TRIO: variants seen among roughly 807,000 people sequenced by gnomAD.
The protein encoded by TRIO is triple functional domain protein.
Under a neutral mutation model 351.9 loss-of-function variants are expected in TRIO, and 58 were observed. The observed-to-expected ratio is 0.16, with a 90% CI of 0.13 to 0.21. The LOEUF (loss-of-function observed/expected upper bound fraction) is 0.21. TRIO is among the 10% of genes least tolerant of loss of function. The pLI, the probability that TRIO is intolerant of heterozygous loss-of-function variation, is 1.00. For missense variants in TRIO, 3,201 were observed against 4,027.8 expected (o/e 0.79, Z 5.56); for synonymous variants, 1,758 against 1,595.7 (o/e 1.10, Z -2.42).
intron 45 of TRIO, among the ~76,000 whole-genome samples, chr5:14,482,196 A>G (rs777021666): frequency 1.3e-5 from 2 of 152,156 alleles, no homozygotes; most frequent in South Asian, 2.1e-4. Flanking sequence ...TTCTGGTGCT[A>G]TGGTTCTCTC....
At chr5:14,291,389 T>G (rs1736887615) in intron 5 of TRIO, among the ~76,000 whole-genome samples, 161 bp downstream of exon 5, 1 of 152,080 alleles carries the variant, frequency 6.6e-6, no homozygotes, top group Non-Finnish European at 1.5e-5. Flanking sequence ...TGAAATCTGT[T>G]TTCCGGTTTT....
At chr5:14,394,011 C>G (rs773791110) in intron 27 of TRIO, 27 bp from the exon 28 acceptor site, 2 of 1,536,766 alleles carry the variant, frequency 1.3e-6, no homozygotes. Flanking sequence ...TATGATAACT[C>G]TTGTTTCTTG....
Position 14,363,779 on chromosome 5 carries a change from G to A in TRIO, c.2439G>A (p.Met813Ile). 6.2e-7 allele frequency: 1 copy of A among 1,614,148 alleles called. No homozygotes were observed. Among genetic ancestry groups the A allele is most frequent in the South Asian group, 1.1e-5 (1 of 91,070 alleles). The change falls in exon 14 of 57, where the codon ATG becomes ATA. Residue 813 changes from methionine to isoleucine, a missense_variant. Transcript: ENST00000344204. ...GGAATGATGAGCTTTCTCAGCAAAT[G>A]AATGACTTCGACACAGAAGATCTCA... ...ESWNDELSQQ[M>I]NDFDTEDLTI...
intron 34 of TRIO, among the ~76,000 whole-genome samples, chr5:14,441,935 G>A (rs930400194): frequency 2.6e-5 from 4 of 152,220 alleles, no homozygotes; most frequent in South Asian, 4.1e-4. Flanking sequence ...GGGAAAAGAC[G>A]TGAAGATGTG....
chr5:14,258,990 C>T (rs1027282692), intron 1 of TRIO, among the ~76,000 whole-genome samples: 3 of 152,208 alleles, frequency 2.0e-5, no homozygotes, highest in African/African-American at 7.2e-5. Context: ...TACCAACCTC[C>T]CCTGAGGTAA....
chr5:14,483,452 TTTGGTAGGGCCTCC>T (rs2126615776), intron 46 of TRIO, among the ~76,000 whole-genome samples: 1 of 152,262 alleles, frequency 6.6e-6, no homozygotes, highest in African/African-American at 2.4e-5. Flanking sequence ...TGTACTTCCC[TTTGGTAGGGCCTCC>T]TGCCCTACGC....
intron 5 of TRIO, 127 bp downstream of exon 5, chr5:14,291,355 C>T (rs951477923): frequency 2.4e-5 from 24 of 995,828 alleles, no homozygotes; most frequent in African/African-American, 1.5e-4. Context: ...TCTAAACCAG[C>T]GAGAGTCATT....
chr5:14,434,654 A>AGC (rs1173463097), intron 34 of TRIO, among the ~76,000 whole-genome samples: 1 of 152,230 alleles, frequency 6.6e-6, no homozygotes, highest in Non-Finnish European at 1.5e-5. Flanking sequence ...CTCTTAACTA[A>AGC]GCCCTGGGCC....
chr5:14,157,938 C>CT (rs1419069746), intron 1 of TRIO, among the ~76,000 whole-genome samples: 2 of 152,044 alleles, frequency 1.3e-5, no homozygotes, highest in African/African-American at 4.8e-5. Flanking sequence ...ACGTCGCTGA[C>CT]TTGGGGAGAC....
intron 1 of TRIO, among the ~76,000 whole-genome samples, chr5:14,209,198 G>A (rs532205571): frequency 1.3e-5 from 2 of 152,266 alleles, no homozygotes; most frequent in African/African-American, 4.8e-5. Flanking sequence ...TGACCATAGA[G>A]CCCTATCTGC....
At chr5:14,357,540 G>T (rs1743729762) in intron 11 of TRIO, among the ~76,000 whole-genome samples, 1 of 151,932 alleles carries the variant, frequency 6.6e-6, no homozygotes, top group African/African-American at 2.4e-5. Context: ...TTTTATGGTG[G>T]TGGCAGTGGA....
chr5:14,498,866 G>A, intron 53 of TRIO: 1 of 501,600 alleles, frequency 2.0e-6, no homozygotes, highest in Middle Eastern at 6.1e-4. Context: ...AGACACCGGA[G>A]CTCCTGTTGC....
intron 34 of TRIO, among the ~76,000 whole-genome samples, chr5:14,446,148 C>CCCTCGCTCCCTT (rs946122829): frequency 2.0e-5 from 3 of 151,736 alleles, no homozygotes; most frequent in Admixed American, 2.0e-4. Flanking sequence ...CTCCCTCCCT[C>CCCTCGCTCCCTT]CCTCGCTCCC....
In TRIO at chr5:14,150,900, A is replaced by G. The variant is rs1787789408; in HGVS notation, c.157+7018A>G. On this transcript the variant is annotated intron_variant, in intron 1 of 56. Coordinates refer to ENST00000344204, the MANE Select transcript of TRIO (RefSeq NM_007118.4). ...TAAAGATTCTTTCCTGGGATTCTGT[A>G]ATACGTGTTAATTTGGAAATCCATC... 2.0e-5 allele frequency among the ~76,000 whole-genome samples: 3 copies of G among 152,230 alleles called. No homozygotes were observed. The South Asian group carries it at 6.2e-4, about 31-fold the overall frequency.
At chr5:14,465,879 A>T in intron 37 of TRIO, 1 of 513,448 alleles carries the variant, frequency 1.9e-6, no homozygotes, top group Non-Finnish European at 3.6e-6. Context: ...AGATCAAAAT[A>T]GGCAAGGGAA....
chr5:14,154,180 G>A (rs1787975784), intron 1 of TRIO, among the ~76,000 whole-genome samples: 1 of 152,124 alleles, frequency 6.6e-6, no homozygotes, highest in South Asian at 2.1e-4. Flanking sequence ...TTGGACTCAA[G>A]TGTTGGATAG....
intron 14 of TRIO, 60 bp downstream of exon 14, chr5:14,363,987 G>A (rs538320264): frequency 1.6e-5 from 24 of 1,532,338 alleles, no homozygotes; most frequent in East Asian, 6.8e-5. Flanking sequence ...ATGGCAATTC[G>A]GCTTATTTCA....
At chr5:14,318,828 G>T (rs952603480) in intron 9 of TRIO, among the ~76,000 whole-genome samples, 2 of 152,162 alleles carry the variant, frequency 1.3e-5, no homozygotes, top group Non-Finnish European at 1.5e-5. Context: ...TATCCCTTAG[G>T]TTGAGCATAA....
At chr5:14,430,196 T>C (rs116283514) in intron 34 of TRIO, among the ~76,000 whole-genome samples, 2 of 142,122 alleles carry the variant, frequency 1.4e-5, no homozygotes, top group African/African-American at 5.3e-5. Context: ...CTTTTTTTTT[T>C]AATTTTTTTA....
Sources: gnomAD v4.1 joint callset for allele counts (sites outside exome capture counted in the v4.1 genomes callset) on GRCh38, gnomAD v4.1.1 for gene constraint, MANE v1.5 for transcripts, NCBI Gene and HGNC (gene_info 2026-07-23, HGNC 2026-07-21) for gene names.